SAMD5: variants seen among roughly 807,000 people sequenced by gnomAD.
SAMD5 encodes the protein sterile alpha motif domain-containing protein 5.
SAMD5 carries 13 observed loss-of-function variants against 11.3 expected under a neutral mutation model. That is an observed-to-expected ratio of 1.15 (90% CI 0.75 to 1.83). SAMD5 has a LOEUF of 1.83. Among genes scored for constraint, SAMD5 ranks in the 40% most tolerant of loss-of-function variants. The pLI, the probability that SAMD5 is intolerant of heterozygous loss-of-function variation, is 0.00. For synonymous variants in SAMD5, 129 were observed against 111.3 expected (o/e 1.16, Z -1.00); for missense variants, 255 against 239.1 (o/e 1.07, Z -0.44).
chr6:147,731,652 CAAAAAA>C (rs4052655), intron 1 of SAMD5, among the ~76,000 whole-genome samples: 25 of 90,108 alleles, frequency 2.8e-4, no homozygotes, highest in African/African-American at 5.8e-4. Flanking sequence ...CTGGCCACTA[CAAAAAA>C]AAAAAAAAAA....
chr6:147,886,708 T>C, the SAMD5 span, among the ~76,000 whole-genome samples: 1 of 152,126 alleles, frequency 6.6e-6, no homozygotes, highest in South Asian at 2.1e-4. Flanking sequence ...AAGAGCCACA[T>C]AGCTTTGCGC....
At chr6:147,900,506 C>G in the SAMD5 span, among the ~76,000 whole-genome samples, 5 of 152,148 alleles carry the variant, frequency 3.3e-5, no homozygotes, top group South Asian at 2.1e-4. Flanking sequence ...ACAGGATTGC[C>G]CCAGCCCGTG....
the SAMD5 span, among the ~76,000 whole-genome samples, chr6:147,773,752 T>C: frequency 1.3e-5 from 2 of 152,148 alleles, no homozygotes; most frequent in Admixed American, 1.3e-4. Flanking sequence ...GGGGAATAGA[T>C]GTCAACATAT....
At chr6:147,606,963 C>CAAAAAAAAA (rs11377845) in intron 1 of SAMD5, among the ~76,000 whole-genome samples, 2 of 131,352 alleles carry the variant, frequency 1.5e-5, no homozygotes, top group African/African-American at 3.0e-5. Context: ...CAGCTTTATC[C>CAAAAAAAAA]AAAAAAAAAA....
intron 1 of SAMD5, among the ~76,000 whole-genome samples, chr6:147,688,998 A>T (rs908524861): frequency 6.6e-6 from 1 of 152,228 alleles, no homozygotes; most frequent in Non-Finnish European, 1.5e-5. Flanking sequence ...AGAGTTTTCA[A>T]TGTATTAAGT....
chr6:147,539,164 C>T (rs905042453), intron 1 of SAMD5, among the ~76,000 whole-genome samples: 13 of 152,182 alleles, frequency 8.5e-5, no homozygotes, highest in African/African-American at 3.1e-4. Context: ...ATACTGGATC[C>T]TGGATCCCCA....
chr6:147,884,549 C>G, the SAMD5 span, among the ~76,000 whole-genome samples: 6 of 152,102 alleles, frequency 3.9e-5, no homozygotes, highest in Admixed American at 3.9e-4. Flanking sequence ...TTCAAATTCT[C>G]TAAAGCACAG....
At chr6:147,781,697 A>G in the SAMD5 span, among the ~76,000 whole-genome samples, 8 of 151,840 alleles carry the variant, frequency 5.3e-5, no homozygotes, top group Admixed American at 5.3e-4. Flanking sequence ...GATTAAATGG[A>G]TGTATATATT....
At chr6:147,539,794 A>G (rs1158937281) in intron 1 of SAMD5, among the ~76,000 whole-genome samples, 1 of 152,098 alleles carries the variant, frequency 6.6e-6, no homozygotes, top group Non-Finnish European at 1.5e-5. Flanking sequence ...AAAAACCTAA[A>G]GGCCTTTTAA....
At chr6:147,629,065 A>C (rs1790100876) in intron 1 of SAMD5, among the ~76,000 whole-genome samples, 2 of 152,164 alleles carry the variant, frequency 1.3e-5, no homozygotes, top group Middle Eastern at 3.4e-3. Context: ...CCAAGGTGGG[A>C]GGATCACCTG....
At chr6:147,950,291 A>G in the SAMD5 span, among the ~76,000 whole-genome samples, 12 of 152,332 alleles carry the variant, frequency 7.9e-5, no homozygotes, top group South Asian at 1.4e-3. Flanking sequence ...CTGAAAAAGT[A>G]GGCAAAGCTT....
At chr6:147,732,298 C>A (rs1562362537) in intron 1 of SAMD5, among the ~76,000 whole-genome samples, 1 of 152,070 alleles carries the variant, frequency 6.6e-6, no homozygotes, top group Admixed American at 6.5e-5. Context: ...TGAAAATCTT[C>A]CTCATATACA....
At chr6:147,645,901 C>T (rs1790389287) in intron 1 of SAMD5, among the ~76,000 whole-genome samples, 1 of 152,150 alleles carries the variant, frequency 6.6e-6, no homozygotes, top group African/African-American at 2.4e-5. Flanking sequence ...GGAACTGGCT[C>T]TCGGATCATC....
intron 1 of SAMD5, among the ~76,000 whole-genome samples, chr6:147,606,533 TTTTA>T (rs1789704502): frequency 6.8e-6 from 1 of 147,424 alleles, no homozygotes. Flanking sequence ...TGCTTTTTAT[TTTTA>T]TTTATTTATT....
the SAMD5 span, among the ~76,000 whole-genome samples, chr6:147,787,538 G>C: frequency 6.6e-6 from 1 of 152,122 alleles, no homozygotes; most frequent in African/African-American, 2.4e-5. Flanking sequence ...TCACATGGAT[G>C]CCACAATTGG....
the SAMD5 span, among the ~76,000 whole-genome samples, chr6:147,807,137 TCACCC>T: frequency 6.6e-6 from 1 of 152,288 alleles, no homozygotes; most frequent in South Asian, 2.1e-4. Context: ...TCTTGCTCTG[TCACCC>T]AGGCTGGAGT....
downstream of SAMD5, among the ~76,000 whole-genome samples, chr6:147,573,647 C>T (rs1789171269): frequency 6.6e-6 from 1 of 152,050 alleles, no homozygotes; most frequent in African/African-American, 2.4e-5. Context: ...ACTAATAGCC[C>T]CATCAGAGGG....
the SAMD5 span, among the ~76,000 whole-genome samples, chr6:147,867,093 A>G: frequency 0.23 from 35,563 of 151,978 alleles, 5,511 homozygotes; most frequent in African/African-American, 0.44. Flanking sequence ...TCCAGATAAG[A>G]GTGAACTATA....
chr6:147,794,072 T>C, the SAMD5 span, among the ~76,000 whole-genome samples: 6 of 152,286 alleles, frequency 3.9e-5, no homozygotes, highest in South Asian at 4.1e-4. Context: ...CTCAAAATAT[T>C]TGAGCAATTG....
Sources: gnomAD v4.1 joint callset for allele counts (sites outside exome capture counted in the v4.1 genomes callset) on GRCh38, gnomAD v4.1.1 for gene constraint, MANE v1.5 for transcripts, NCBI Gene and HGNC (gene_info 2026-07-23, HGNC 2026-07-21) for gene names.